The following SH3TC2 variants were observed in gnomAD, a reference collection of about 807,000 sequenced individuals.
The protein encoded by SH3TC2 is SH3 domain and tetratricopeptide repeats 2.
In SH3TC2, 87 loss-of-function variants were observed where a neutral mutation model predicts 124.5. The ratio of observed to expected loss-of-function variants is 0.70; its 90% CI spans 0.59 to 0.84. The LOEUF is 0.84. Among genes scored for constraint, SH3TC2 ranks in the 40% least tolerant of loss-of-function variants. The pLI is 0.00. For missense variants in SH3TC2, 1,536 were observed against 1,566.4 expected (o/e 0.98, Z 0.33); for synonymous variants, 634 against 628.5 (o/e 1.01, Z -0.13).
At chr5:149,030,504 C>T (rs953572983) in intron 9 of SH3TC2, among the ~76,000 whole-genome samples, 1 of 152,256 alleles carries the variant, frequency 6.6e-6, no homozygotes, top group African/African-American at 2.4e-5. Context: ...TGCTAGTACA[C>T]CTCAATTTTC....
intron 2 of SH3TC2, among the ~76,000 whole-genome samples, chr5:149,050,737 T>A (rs1754541779): frequency 6.6e-6 from 1 of 152,210 alleles, no homozygotes; most frequent in Non-Finnish European, 1.5e-5. Flanking sequence ...CCCGATCTCA[T>A]CTGAAATTGG....
Position 149,042,854 on chromosome 5 carries a change from AC to A in SH3TC2, c.386-18del. On this transcript the variant is annotated intron_variant, in intron 4 of 16. Coordinates refer to ENST00000515425, the MANE Select transcript of SH3TC2 (RefSeq NM_024577.4). Reference sequence around the variant, plus strand: ...ATACGTAGCCTAAGAAGTCAAGCCAACAAGATTTCTGAACAAAATGATTTCT... The same window carrying A: ...ATACGTAGCCTAAGAAGTCAAGCCAAAAGATTTCTGAACAAAATGATTTCT... The A allele has an allele frequency of 6.2e-7, 1 of 1,613,972 alleles. No individual in the cohort carries two copies. The highest frequency in any genetic ancestry group is 8.5e-7 in the Non-Finnish European group (1 of 1,180,004).
chr5:149,006,274 A>G, intron 16 of SH3TC2: 1 of 156,316 alleles, frequency 6.4e-6, no homozygotes. Context: ...AAAAGCAAGC[A>G]AGCAAAAAAA....
rs1353287659 is a variant in SH3TC2 at position 149,005,394 on chromosome 5, C to A, written c.3676-492G>T. 2.0e-5 allele frequency among the ~76,000 whole-genome samples: 3 copies of A among 152,236 alleles called. No homozygotes were observed. The East Asian group carries it at 5.8e-4, about 29-fold the overall frequency. On this transcript the variant is annotated intron_variant, in intron 16 of 16. Coordinates refer to ENST00000515425, the MANE Select transcript of SH3TC2 (RefSeq NM_024577.4). Reference sequence around the variant, plus strand: ...GAATACAATGAGAGGTGGGGAAATCCCTGATGATGATTGAGAAACAGGATC... The same window carrying A: ...GAATACAATGAGAGGTGGGGAAATCACTGATGATGATTGAGAAACAGGATC...
chr5:149,041,312 T>C, intron 6 of SH3TC2, 104 bp downstream of exon 6: 1 of 1,213,068 alleles, frequency 8.2e-7, no homozygotes, highest in Admixed American at 2.0e-5. Flanking sequence ...ATCTGTTCTC[T>C]CCTCCACACT....
chr5:149,011,009 AC>A (rs1386413592), intron 13 of SH3TC2, among the ~76,000 whole-genome samples: 1 of 152,212 alleles, frequency 6.6e-6, no homozygotes, highest in Non-Finnish European at 1.5e-5. Context: ...CCTAACCTCC[AC>A]AGCTTCTTTA....
At chr5:149,006,391 T>G in intron 16 of SH3TC2, 1 of 184,862 alleles carries the variant, frequency 5.4e-6, no homozygotes, top group Non-Finnish European at 1.1e-5. Context: ...CATGTTAATA[T>G]GCACCCACAT....
chr5:149,053,661 T>C lies in SH3TC2; in HGVS notation c.53-1421A>G, dbSNP rs73795765. On this transcript the variant is annotated intron_variant, in intron 1 of 16. Transcript: ENST00000515425. ...AATGAGCACAAATCAAATCTTCCCA[T>C]ACATGAGTTCAATGACCTTGGGCAA... 2.0e-3 allele frequency among the ~76,000 whole-genome samples: 309 copies of C among 152,332 alleles called. 1 individual carries two copies. Among genetic ancestry groups the C allele is most frequent in the African/African-American group, 7.2e-3 (298 of 41,572 alleles).
At position 148,997,368 on chromosome 5, in the gene SH3TC2, T is replaced by C. The variant is rs1156299620; in HGVS notation, c.*7343A>G. Among the ~76,000 whole-genome samples the C allele has an allele frequency of 6.6e-6, 1 of 152,232 alleles. No individual in the cohort carries two copies. Among genetic ancestry groups the C allele is most frequent in the African/African-American group, 2.4e-5 (1 of 41,468 alleles). ...CTTATAATTTGTTTTGACCAATCAC[T>C]ACTATAGGTCAAAGCTTTCTGTTCC... On this transcript the variant is annotated 3_prime_UTR_variant, in exon 17 of 17. Transcript: ENST00000515425.
At chr5:149,047,753 T>C (rs1205606755) in intron 3 of SH3TC2, 109 bp downstream of exon 3, 2 of 1,425,164 alleles carry the variant, frequency 1.4e-6, no homozygotes, top group African/African-American at 1.4e-5. Context: ...CTATTAGATG[T>C]TTTTTCCGAG....
At chr5:149,012,792 T>G (rs1428602362) in intron 12 of SH3TC2, 58 bp from the exon 13 acceptor site, 3 of 1,594,518 alleles carry the variant, frequency 1.9e-6, no homozygotes, top group Non-Finnish European at 1.7e-6. Context: ...TAGGGTCCAC[T>G]CAGCACAGGA....
chr5:149,007,437 G>A (rs1753709581), intron 15 of SH3TC2: 1 of 520,054 alleles, frequency 1.9e-6, no homozygotes, highest in East Asian at 3.3e-5. Flanking sequence ...TTCTGAGAAA[G>A]AATTCTTCTT....
rs771751251 is a variant in SH3TC2, at chr5:149,028,215, T to C, written c.1517A>G (p.Glu506Gly). The change falls in exon 11 of 17, where the codon GAG (glutamate) becomes GGG (glycine). Residue 506 changes from glutamate to glycine, a missense_variant. Around this residue, in one of 3 missense-constraint regions of SH3TC2, gnomAD observed 1,102 missense variants for 1,098.6 expected, o/e 1.00. Transcript: ENST00000515425. ...SSFYSFSEEDEFVAYLEASRK... is the reference protein window; with the variant it reads ...SSFYSFSEEDGFVAYLEASRK... ...TGATGCCTCCAGGTAGGCCACAAAC[T>C]CATCCTCCTCAGAGAAGCTATAAAA... The C allele has an allele frequency of 3.7e-6, 6 of 1,613,900 alleles. No individual in the cohort carries two copies. The highest frequency in any genetic ancestry group is 5.1e-6 in the Non-Finnish European group (6 of 1,180,028).
chr5:149,004,167 T>C lies in SH3TC2; in HGVS notation c.*544A>G, dbSNP rs1753642954. On this transcript the variant is annotated 3_prime_UTR_variant, in exon 17 of 17. Transcript: ENST00000515425. ...CTGGCCATTCTGAGGCTGTGTCTTT[T>C]GAGCTAAGATCCTGGTGAATTCTCT... 3 of 175,288 alleles carry C rather than the reference T, an allele frequency of 1.7e-5. No homozygotes were observed. Among genetic ancestry groups the C allele is most frequent in the Admixed American group, 5.6e-5 (1 of 17,802 alleles). 10.9% of individuals were successfully genotyped at this position (175,288 alleles called of 1,614,324 possible).
At chr5:149,042,966 G>C (rs1029066413) in intron 4 of SH3TC2, 129 bp from the exon 5 acceptor site, 4 of 1,061,826 alleles carry the variant, frequency 3.8e-6, no homozygotes, top group Non-Finnish European at 5.7e-6. Context: ...CATTTAACTG[G>C]AATTAAAACA....
rs1325442765 is a variant in SH3TC2, at chr5:148,988,232, C to T, written c.*16479G>A. On this transcript the variant is annotated 3_prime_UTR_variant, in exon 17 of 17. Coordinates refer to ENST00000515425, the MANE Select transcript of SH3TC2 (RefSeq NM_024577.4). ...AACAAAGCATCTTTACTCCTTCTCC[C>T]ATGGACATGAAAATCATTATCAAAA... Among the ~76,000 whole-genome samples, 1 of 152,172 alleles carries T rather than the reference C, an allele frequency of 6.6e-6. No individual in the cohort carries two copies. The highest frequency in any genetic ancestry group is 1.5e-5 in the Non-Finnish European group (1 of 68,032).
At position 149,026,981 on chromosome 5, in the gene SH3TC2, C is replaced by G; in HGVS notation, c.2751G>C (p.Met917Ile). 7 of 1,614,118 alleles carry G rather than the reference C, an allele frequency of 4.3e-6. No individual in the cohort carries two copies. Among genetic ancestry groups the G allele is most frequent in the Non-Finnish European group, 5.9e-6 (7 of 1,180,016 alleles). The change falls in exon 11 of 17, where the codon ATG (methionine) becomes ATC (isoleucine). Residue 917 changes from methionine to isoleucine, a missense_variant. By Grantham distance (10) the Met-to-Ile change is conservative. Transcript: ENST00000515425. ...CELQASKETD[M>I]ELVQVFLWLA... is the part of the protein sequence containing the mutation. The stretch of plus-strand genomic sequence containing the variant: ...ACCAGAGAAACACCTGTACTAATTC[C>G]ATGTCTGTCTCCTTACTGGCCTGAA...
chr5:149,023,760 T>C (rs1037754464), intron 12 of SH3TC2, among the ~76,000 whole-genome samples: 1 of 149,784 alleles, frequency 6.7e-6, no homozygotes, highest in African/African-American at 2.6e-5. Context: ...CTTTTTTGTA[T>C]CTTTGGTAGA....
rs993339776 is a variant in SH3TC2, at chr5:149,004,524, G to A, written c.*187C>T. On this transcript the variant is annotated 3_prime_UTR_variant, in exon 17 of 17. Transcript: ENST00000515425. ...AAGCCTGGAACCAGGAATTCTCATC[G>A]CTGCACCATCAAATCTTTCTGTGGC... is the stretch of plus-strand genomic sequence containing the variant. 5.1e-5 allele frequency: 33 copies of A among 647,872 alleles called. No homozygotes were observed. The highest frequency in any genetic ancestry group is 3.3e-4 in the East Asian group (12 of 36,150). 40.1% of individuals were successfully genotyped at this position (647,872 alleles called of 1,614,324 possible).
Sources: allele counts gnomAD v4.1 joint callset (sites outside exome capture counted in the v4.1 genomes callset), GRCh38; gene constraint gnomAD v4.1.1; regional missense constraint gnomAD v4.1.1; transcripts MANE v1.5; gene names NCBI Gene and HGNC (gene_info 2026-07-23, HGNC 2026-07-21).